CDH13: variants seen among roughly 807,000 people sequenced by gnomAD.
CDH13 encodes cadherin-13.
CDH13 carries 24 observed loss-of-function variants against 63.8 expected under a neutral mutation model. The observed-to-expected ratio is 0.38, with a 90% CI of 0.27 to 0.53. CDH13 has a LOEUF of 0.53. Ranked by LOEUF, CDH13 falls within the 20% of genes least tolerant of loss-of-function variation. CDH13 has a pLI of 0.85. For synonymous variants in CDH13, 503 were observed against 355.3 expected (o/e 1.42, Z -4.67); for missense variants, 1,049 against 903.1 (o/e 1.16, Z -2.07).
At chr16:83,069,986 C>T (rs907588136) in intron 3 of CDH13, among the ~76,000 whole-genome samples, 13 of 151,924 alleles carry the variant, frequency 8.6e-5, no homozygotes, top group African/African-American at 2.9e-4. Context: ...AAAATTGGGC[C>T]AATGGCACTT....
chr16:82,669,491 T>C (rs141097384), intron 1 of CDH13, among the ~76,000 whole-genome samples: 1 of 152,252 alleles, frequency 6.6e-6, no homozygotes, highest in Non-Finnish European at 1.5e-5. Context: ...TTAATTGTAA[T>C]TCTGATAACA....
intron 6 of CDH13, among the ~76,000 whole-genome samples, chr16:83,444,139 G>T (rs186538440): frequency 2.8e-5 from 4 of 143,724 alleles, no homozygotes; most frequent in African/African-American, 9.9e-5. Flanking sequence ...TGAAGATGTG[G>T]CTGCTGATGT....
chr16:83,175,905 C>T (rs9746057), intron 4 of CDH13, among the ~76,000 whole-genome samples: 21,602 of 149,374 alleles, frequency 0.14, 2,032 homozygotes, highest in African/African-American at 0.25. Context: ...CTCGGCTCAC[C>T]GCAACCTCCG....
At chr16:83,188,822 C>G (rs955195241) in intron 4 of CDH13, among the ~76,000 whole-genome samples, 1 of 152,096 alleles carries the variant, frequency 6.6e-6, no homozygotes, top group Non-Finnish European at 1.5e-5. Context: ...TTTACTGTAC[C>G]TTCTTCAGCT....
chr16:83,659,575 C>G (rs1913249287), intron 8 of CDH13, among the ~76,000 whole-genome samples: 1 of 152,172 alleles, frequency 6.6e-6, no homozygotes. Context: ...AATACGTATG[C>G]CTGGGCCCCA....
At chr16:83,364,678 T>A (rs2091225503) in intron 6 of CDH13, among the ~76,000 whole-genome samples, 1 of 152,234 alleles carries the variant, frequency 6.6e-6, no homozygotes, top group Admixed American at 6.5e-5. Context: ...TTGGGACTTT[T>A]ATGAATGTTT....
rs1427980684 is a variant in CDH13, at chr16:82,680,145, C to T, written c.45+53008C>T. ...TGTTGGCTCAGCATCTGGGAAGAAT[C>T]TGGGCCTGCAGGAAGGACTCCTGGA... On this transcript the variant is annotated intron_variant, in intron 1 of 13. Transcript: ENST00000567109. Among the ~76,000 whole-genome samples the T allele has an allele frequency of 2.0e-5, 3 of 152,196 alleles. No homozygotes were observed. In the South Asian group the frequency reaches 6.2e-4, roughly 32 times the overall value.
chr16:82,710,224 T>G, intron 1 of CDH13, among the ~76,000 whole-genome samples: 1 of 146,780 alleles, frequency 6.8e-6, no homozygotes, highest in South Asian at 2.1e-4. Flanking sequence ...TATATTTATA[T>G]TCATAAATTT....
rs978814170 is a variant in CDH13, at chr16:82,638,156, A to G, written c.45+11019A>G. Among the ~76,000 whole-genome samples the G allele has an allele frequency of 6.6e-5, 10 of 151,958 alleles. No individual in the cohort carries two copies. The East Asian group carries it at 1.9e-3, about 29-fold the overall frequency. ...TTCTTTCTTCCCTTAAATGTTACCT[A>G]CCAACTATGAAGAACGCTGCAAACC... is the stretch of plus-strand genomic sequence containing the variant. On this transcript the variant is annotated intron_variant, in intron 1 of 13. Coordinates refer to ENST00000567109, the MANE Select transcript of CDH13 (RefSeq NM_001257.5).
chr16:82,885,490 T>C (rs28628313), intron 2 of CDH13, among the ~76,000 whole-genome samples: 108,489 of 144,004 alleles, frequency 0.75, 40,671 homozygotes, highest in East Asian at 0.89. Flanking sequence ...CACCCATCCA[T>C]CCATCCATCC....
intron 1 of CDH13, among the ~76,000 whole-genome samples, chr16:82,655,632 G>A (rs1038404774): frequency 7.9e-5 from 12 of 152,150 alleles, no homozygotes; most frequent in African/African-American, 2.9e-4. Flanking sequence ...TTGTTTTTAT[G>A]TGCAGCAGAG....
At chr16:83,137,471 G>C (rs2036339899) in intron 4 of CDH13, among the ~76,000 whole-genome samples, 1 of 152,148 alleles carries the variant, frequency 6.6e-6, no homozygotes, top group Non-Finnish European at 1.5e-5. Context: ...GCCGGAGGTC[G>C]TGTCTTCGTT....
At chr16:82,876,447 C>T (rs148191820) in intron 2 of CDH13, among the ~76,000 whole-genome samples, 7 of 152,106 alleles carry the variant, frequency 4.6e-5, no homozygotes, top group African/African-American at 7.2e-5. Flanking sequence ...AAGTTTTGAA[C>T]CTTTTTTCTT....
chr16:83,628,545 T>C (rs776497521), intron 8 of CDH13, among the ~76,000 whole-genome samples: 3 of 152,004 alleles, frequency 2.0e-5, no homozygotes, highest in South Asian at 4.1e-4. Context: ...TCGTACATCT[T>C]TGGGCAAAAG....
intron 3 of CDH13, among the ~76,000 whole-genome samples, chr16:83,100,002 C>G (rs931770411): frequency 9.9e-5 from 15 of 152,132 alleles, no homozygotes; most frequent in Non-Finnish European, 1.9e-4. Flanking sequence ...GTCACAATCT[C>G]TGTTTCTGCT....
chr16:83,337,489 C>G (rs1271709071), intron 5 of CDH13, among the ~76,000 whole-genome samples: 4 of 152,118 alleles, frequency 2.6e-5, no homozygotes, highest in African/African-American at 9.7e-5. Context: ...AGAAAATATT[C>G]AGGCGGTATC....
intron 7 of CDH13, among the ~76,000 whole-genome samples, chr16:83,519,916 C>G (rs1439798738): frequency 6.6e-6 from 1 of 152,028 alleles, no homozygotes; most frequent in Non-Finnish European, 1.5e-5. Context: ...GTGAAATCTT[C>G]TGCTTGCTAT....
chr16:83,436,507 C>T (rs940490746), intron 6 of CDH13, among the ~76,000 whole-genome samples: 1 of 152,022 alleles, frequency 6.6e-6, no homozygotes, highest in South Asian at 2.1e-4. Context: ...AATAATGACC[C>T]AAGTACTGTG....
At chr16:83,468,473 C>A (rs192615438) in intron 6 of CDH13, among the ~76,000 whole-genome samples, 1 of 152,180 alleles carries the variant, frequency 6.6e-6, no homozygotes, top group Non-Finnish European at 1.5e-5. Flanking sequence ...ACCAAATATC[C>A]GAAATCCTAA....
Sources: allele counts gnomAD v4.1 joint callset (sites outside exome capture counted in the v4.1 genomes callset), GRCh38; gene constraint gnomAD v4.1.1; transcripts MANE v1.5; gene names NCBI Gene and HGNC (gene_info 2026-07-23, HGNC 2026-07-21).